Variants in SBF2 observed in about 807,000 individuals in gnomAD.
SBF2 encodes the protein SET binding factor 2.
A neutral mutation model predicts 225.2 loss-of-function variants in SBF2; 112 were observed. The ratio of observed to expected loss-of-function variants is 0.50; its 90% confidence interval spans 0.43 to 0.58. The LOEUF is 0.58. SBF2 is among the 20% of genes least tolerant of loss of function. The pLI, the probability that SBF2 is intolerant of heterozygous loss-of-function variation, is 0.00. For missense variants in SBF2, 1,996 were observed against 2,206.2 expected (o/e 0.90, Z 1.91); for synonymous variants, 763 against 773.3 (o/e 0.99, Z 0.22).
At chr11:9,962,646 ATATC>A (rs1357067542) in intron 15 of SBF2, among the ~76,000 whole-genome samples, 1 of 152,222 alleles carries the variant, frequency 6.6e-6, no homozygotes, top group East Asian at 1.9e-4. Flanking sequence ...GCAAAAACAG[ATATC>A]TCTAGGTGTA....
rs551311250 is a variant in SBF2 at position 9,970,626 on chromosome 11, C to T, written c.1396-2081G>A. Among the ~76,000 whole-genome samples the T allele has an allele frequency of 2.6e-5, 4 of 152,302 alleles. 1 individual carries two copies. The highest frequency in any genetic ancestry group is 6.5e-5 in the Admixed American group (1 of 15,296). On this transcript the variant is annotated intron_variant, in intron 13 of 39. Transcript: ENST00000256190. Reference sequence around the variant, plus strand: ...TCAGCAATATAATAGAAACACACTGCTTCCTCCCACTGCCGTAAGTGTCAA... The same window carrying T: ...TCAGCAATATAATAGAAACACACTGTTTCCTCCCACTGCCGTAAGTGTCAA...
At chr11:9,822,418 G>A (rs1254497067) in intron 28 of SBF2, among the ~76,000 whole-genome samples, 1 of 151,964 alleles carries the variant, frequency 6.6e-6, no homozygotes, top group Non-Finnish European at 1.5e-5. Context: ...CCGCCACCAC[G>A]CCCGGCTAAT....
chr11:10,023,532 G>A (rs138984847), intron 6 of SBF2, among the ~76,000 whole-genome samples: 2 of 152,018 alleles, frequency 1.3e-5, no homozygotes, highest in African/African-American at 2.4e-5. Context: ...TATTTCTCAC[G>A]GCCCTATCCC....
intron 7 of SBF2, among the ~76,000 whole-genome samples, 181 bp from the exon 8 acceptor site, chr11:10,001,203 C>A (rs1425921536): frequency 6.6e-6 from 1 of 152,036 alleles, no homozygotes; most frequent in African/African-American, 2.4e-5. Context: ...GTGAAAGATA[C>A]AATCAGATAT....
At chr11:10,219,556 G>C (rs549004356) in intron 1 of SBF2, among the ~76,000 whole-genome samples, 2 of 152,350 alleles carry the variant, frequency 1.3e-5, no homozygotes, top group African/African-American at 4.8e-5. Context: ...TCTGCAGCCA[G>C]CTTGAATTTC....
At chr11:10,226,592 T>A (rs373485908) in intron 1 of SBF2, among the ~76,000 whole-genome samples, 1 of 152,068 alleles carries the variant, frequency 6.6e-6, no homozygotes, top group East Asian at 1.9e-4. Context: ...TGGTTTTTTG[T>A]CCTTGTGATA....
chr11:9,851,891 C>A (rs1856985162), intron 21 of SBF2, among the ~76,000 whole-genome samples: 1 of 152,186 alleles, frequency 6.6e-6, no homozygotes. Flanking sequence ...CCACTTCAGC[C>A]TCCTGAGTAT....
At chr11:9,877,539 C>G (rs1327289640) in intron 17 of SBF2, among the ~76,000 whole-genome samples, 5 of 152,116 alleles carry the variant, frequency 3.3e-5, no homozygotes. Context: ...AATGCTATCC[C>G]TACCCCAATC....
At chr11:9,849,475 G>T (rs997013477) in intron 22 of SBF2, among the ~76,000 whole-genome samples, 1 of 152,090 alleles carries the variant, frequency 6.6e-6, no homozygotes. Context: ...AATATAGAAG[G>T]CTGTACTGAA....
chr11:10,193,351 CT>C (rs60903141), intron 2 of SBF2, among the ~76,000 whole-genome samples: 9,446 of 110,372 alleles, frequency 0.086, 258 homozygotes, highest in East Asian at 0.25. Flanking sequence ...TCAATTTCAT[CT>C]TTTTTTTTTT....
At chr11:10,104,123 A>G (rs1952446217) in intron 2 of SBF2, among the ~76,000 whole-genome samples, 1 of 151,902 alleles carries the variant, frequency 6.6e-6, no homozygotes. Context: ...CCATTTCCAT[A>G]AATGTGTGAA....
At chr11:10,059,085 A>G (rs1292405511) in intron 2 of SBF2, among the ~76,000 whole-genome samples, 4 of 152,176 alleles carry the variant, frequency 2.6e-5, no homozygotes. Context: ...GTGTCACTGT[A>G]AAGCAACCAC....
At chr11:10,042,755 C>T (rs538180576) in intron 3 of SBF2, 89 bp downstream of exon 3, 2 of 1,401,690 alleles carry the variant, frequency 1.4e-6, no homozygotes, top group African/African-American at 2.8e-5. Context: ...AAAACTCAAA[C>T]TTGCAGTTGT....
At chr11:9,973,239 C>T (rs997849272) in intron 13 of SBF2, among the ~76,000 whole-genome samples, 1 of 152,206 alleles carries the variant, frequency 6.6e-6, no homozygotes, top group African/African-American at 2.4e-5. Context: ...ACTTGTAACA[C>T]AAGATGTGTT....
chr11:9,985,879 A>T (rs1186086678), intron 13 of SBF2, among the ~76,000 whole-genome samples: 2 of 152,210 alleles, frequency 1.3e-5, no homozygotes, highest in Non-Finnish European at 2.9e-5. Context: ...GGTCATCAAG[A>T]CAGAAAGTCA....
At chr11:10,298,429 A>G (rs1284246544), upstream of SBF2, among the ~76,000 whole-genome samples, 1 of 152,262 alleles carries the variant, frequency 6.6e-6, no homozygotes, top group Non-Finnish European at 1.5e-5. Flanking sequence ...AAGACAAAAT[A>G]GAGCTAATTA....
chr11:9,842,707 T>C lies in SBF2; in HGVS notation c.3174A>G (p.Gln1058=), dbSNP rs777924847. 3.1e-6 allele frequency: 5 copies of C among 1,614,178 alleles called. No individual in the cohort carries two copies. Among genetic ancestry groups the C allele is most frequent in the South Asian group, 1.1e-5 (1 of 91,084 alleles). ...KRAGKMTIGR[Q]YLLKKKTGTI... is the part of the protein sequence containing the mutation. ...TCCCTGTCTTCTTCTTCAGTAAATA[T>C]TGCCGCCCAATTGTCATTTTCCCTG... The change falls in exon 25 of 40, where the codon CAA becomes CAG. Residue 1058 remains glutamine (Q), a synonymous_variant. Coordinates refer to ENST00000256190, the MANE Select transcript of SBF2 (RefSeq NM_030962.4).
intron 16 of SBF2, among the ~76,000 whole-genome samples, chr11:9,933,648 G>A (rs12418091): frequency 0.21 from 31,497 of 152,046 alleles, 4,021 homozygotes; most frequent in Non-Finnish European, 0.29. Flanking sequence ...TCTCTGGGGC[G>A]CATTTAAAGC....
chr11:10,081,881 T>C (rs1017294866), intron 2 of SBF2, among the ~76,000 whole-genome samples: 5 of 150,626 alleles, frequency 3.3e-5, no homozygotes, highest in South Asian at 2.1e-4. Context: ...ATAACAAAGA[T>C]TCAAGCAAAT....
Sources: allele counts gnomAD v4.1 joint callset (sites outside exome capture counted in the v4.1 genomes callset), GRCh38; gene constraint gnomAD v4.1.1; transcripts MANE v1.5; gene names NCBI Gene and HGNC (gene_info 2026-07-23, HGNC 2026-07-21).